The following LMBR1 variants were observed in gnomAD, a reference collection of about 807,000 sequenced individuals.
The protein encoded by LMBR1 is limb development membrane protein 1.
LMBR1 carries 52 observed loss-of-function variants against 73.9 expected under a neutral mutation model. That is an observed-to-expected ratio of 0.70 (90% CI 0.56 to 0.89). The LOEUF is 0.89. LMBR1 is among the 40% of genes least tolerant of loss of function. LMBR1 has a pLI of 0.00. For synonymous variants in LMBR1, 215 were observed against 209.4 expected, an observed-to-expected ratio of 1.03 and a Z score of -0.23; for missense variants, 539 against 579.8, an observed-to-expected ratio of 0.93 and a Z score of 0.72.
intron 5 of LMBR1, among the ~76,000 whole-genome samples, chr7:156,771,481 T>C (rs944064989): frequency 6.6e-6 from 1 of 151,998 alleles, no homozygotes; most frequent in Non-Finnish European, 1.5e-5. Flanking sequence ...TTAGCAGAAA[T>C]GGATAAACAT....
intron 9 of LMBR1, among the ~76,000 whole-genome samples, chr7:156,748,913 A>G (rs1249111609): frequency 6.6e-6 from 1 of 152,210 alleles, no homozygotes; most frequent in East Asian, 1.9e-4. Context: ...ATATTAGCAT[A>G]TATCTCTGGC....
chr7:156,716,490 T>C (rs967629087), intron 15 of LMBR1, among the ~76,000 whole-genome samples: 1 of 152,160 alleles, frequency 6.6e-6, no homozygotes, highest in African/African-American at 2.4e-5. Flanking sequence ...GAAAGAACCT[T>C]ATGTGCTAAT....
chr7:156,827,153 A>G (rs755434609), intron 3 of LMBR1, among the ~76,000 whole-genome samples: 2 of 152,202 alleles, frequency 1.3e-5, no homozygotes, highest in Admixed American at 6.5e-5. Context: ...TTACTATGAA[A>G]GCAGTATAAA....
intron 2 of LMBR1, among the ~76,000 whole-genome samples, chr7:156,836,389 T>C (rs970122704): frequency 1.3e-5 from 2 of 152,142 alleles, no homozygotes; most frequent in Admixed American, 6.5e-5. Flanking sequence ...AAAAAGATAA[T>C]ACAAGATGCT....
At chr7:156,671,772 G>A (rs1389505001) in intron 4 of LMBR1, among the ~76,000 whole-genome samples, 2 of 150,888 alleles carry the variant, frequency 1.3e-5, no homozygotes, top group Non-Finnish European at 3.0e-5. Flanking sequence ...TTATGTCCAC[G>A]TACTTGAAGA....
chr7:156,873,890 G>C (rs1208142823), intron 1 of LMBR1, among the ~76,000 whole-genome samples: 4 of 152,256 alleles, frequency 2.6e-5, no homozygotes, highest in African/African-American at 9.6e-5. Context: ...CCCTGAGCTA[G>C]ACATAAAGAC....
chr7:156,847,922 C>T (rs775620257), intron 1 of LMBR1, among the ~76,000 whole-genome samples: 8 of 151,992 alleles, frequency 5.3e-5, no homozygotes, highest in African/African-American at 7.3e-5. Flanking sequence ...TTGGTATTTA[C>T]CCAAAAAAGT....
rs1381614420 is a variant in LMBR1, at chr7:156,796,376, T to G, written c.423+13A>C. The G allele has an allele frequency of 6.4e-7, 1 of 1,558,606 alleles. No homozygotes were observed. The highest frequency in any genetic ancestry group is 8.8e-7 in the Non-Finnish European group (1 of 1,141,732). On this transcript the variant is annotated intron_variant, in intron 5 of 16. Transcript: ENST00000353442. ...CACTTAACCAATTTAATTCCAATAC[T>G]AGATTCACTTACCTTTTTCAGGCCA...
In LMBR1 at chr7:156,807,002, C is replaced by T. The variant is rs541125879; in HGVS notation, c.320-10510G>A. On this transcript the variant is annotated intron_variant, in intron 4 of 16. Coordinates refer to ENST00000353442, the MANE Select transcript of LMBR1 (RefSeq NM_022458.4). ...AATGGATACTGAATTTTGTCATATG[C>T]TTTTTCTGCATGTATTGTTACGACC... Among the ~76,000 whole-genome samples the T allele has an allele frequency of 3.3e-5, 5 of 151,742 alleles. No homozygotes were observed. The East Asian group carries it at 9.8e-4, about 30-fold the overall frequency.
chr7:156,710,317 A>G (rs1811821647), intron 15 of LMBR1, among the ~76,000 whole-genome samples: 3 of 152,218 alleles, frequency 2.0e-5, no homozygotes, highest in Non-Finnish European at 2.9e-5. Flanking sequence ...AGAAATAGAT[A>G]TCATAAAGAA....
chr7:156,805,929 C>G (rs1831974043), intron 4 of LMBR1, among the ~76,000 whole-genome samples: 1 of 152,136 alleles, frequency 6.6e-6, no homozygotes, highest in Non-Finnish European at 1.5e-5. Context: ...CTGCTCTCAG[C>G]CATGGAAGGA....
chr7:156,722,871 A>T (rs1814894882), intron 15 of LMBR1, among the ~76,000 whole-genome samples: 1 of 152,156 alleles, frequency 6.6e-6, no homozygotes, highest in Non-Finnish European at 1.5e-5. Flanking sequence ...AATGATTAGC[A>T]ATCAATCTTA....
At chr7:156,750,519 C>A (rs1820680864) in intron 9 of LMBR1, among the ~76,000 whole-genome samples, 1 of 152,144 alleles carries the variant, frequency 6.6e-6, no homozygotes, top group Non-Finnish European at 1.5e-5. Context: ...TCCTGCCTCT[C>A]AACGTTGGTG....
At chr7:156,676,217 T>C, downstream of LMBR1, 3 of 1,495,594 alleles carry the variant, frequency 2.0e-6, no homozygotes, top group Non-Finnish European at 2.7e-6. Flanking sequence ...TTTCCACAGT[T>C]CCCAGGAGTA....
chr7:156,802,771 G>A (rs1017111816), intron 4 of LMBR1, among the ~76,000 whole-genome samples: 1 of 146,798 alleles, frequency 6.8e-6, no homozygotes, highest in Non-Finnish European at 1.5e-5. Context: ...CCTGCCCCCT[G>A]CCACTCCCCA....
At chr7:156,854,074 C>T (rs547592691) in intron 1 of LMBR1, among the ~76,000 whole-genome samples, 98 of 152,098 alleles carry the variant, frequency 6.4e-4, no homozygotes, top group Admixed American at 3.6e-3. Flanking sequence ...TGGCTTCTGG[C>T]TTCCAGTCCA....
At chr7:156,708,285 A>C (rs879639487) in intron 15 of LMBR1, among the ~76,000 whole-genome samples, 2 of 152,228 alleles carry the variant, frequency 1.3e-5, no homozygotes, top group Admixed American at 1.3e-4. Context: ...TATCATTGCA[A>C]ATTCCATGAG....
Position 156,685,130 on chromosome 7 carries a change from A to G in LMBR1, c.1388-967T>C, listed in dbSNP as rs574277779. On this transcript the variant is annotated intron_variant, in intron 16 of 16. Transcript: ENST00000353442. This position sits in a 1 kb window ranked among gnomAD's most constrained non-coding sequence, Gnocchi z 4.1. ...GAACATAAATAATATCTCACTACCC[A>G]AAGGTATTTCACAGAATAAAAAACT... is the stretch of plus-strand genomic sequence containing the variant. Among the ~76,000 whole-genome samples the G allele has an allele frequency of 1.1e-3, 171 of 152,316 alleles. 2 individuals carry two copies. The highest frequency in any genetic ancestry group is 6.8e-3 in the Middle Eastern group (2 of 294).
chr7:156,696,440 G>A (rs774490119), intron 15 of LMBR1, among the ~76,000 whole-genome samples: 19 of 152,146 alleles, frequency 1.2e-4, no homozygotes, highest in South Asian at 4.1e-4. Context: ...ATGCAACAGT[G>A]TATTGGTCCA....
Sources: gnomAD v4.1 joint callset for allele counts (sites outside exome capture counted in the v4.1 genomes callset) on GRCh38, gnomAD v4.1.1 for gene constraint, Gnocchi (gnomAD v3.1) non-coding constraint, MANE v1.5 for transcripts, NCBI Gene and HGNC (gene_info 2026-07-23, HGNC 2026-07-21) for gene names.